The following MTA3 variants were observed in gnomAD, a reference collection of about 807,000 sequenced individuals.
MTA3 encodes the protein metastasis associated 1 family member 3.
A neutral mutation model predicts 83.5 loss-of-function variants in MTA3; 34 were observed. That is an observed-to-expected ratio of 0.41 (90% CI 0.31 to 0.54). The LOEUF is 0.54. Ranked by LOEUF, MTA3 falls within the 20% of genes least tolerant of loss-of-function variation. The pLI is 0.33. For missense variants in MTA3, 761 were observed against 726.4 expected (o/e 1.05, Z -0.55); for synonymous variants, 303 against 252.7 (o/e 1.20, Z -1.89).
At position 42,755,957 on chromosome 2, in the gene MTA3, G is replaced by A; in HGVS notation, c.*2558G>A. 4.1e-6 allele frequency: 4 copies of A among 985,500 alleles called. No homozygotes were observed. Among genetic ancestry groups the A allele is most frequent in the Non-Finnish European group, 4.8e-6 (4 of 829,990 alleles). 61.0% of individuals were successfully genotyped at this position (985,500 alleles called of 1,614,324 possible). On this transcript the variant is annotated 3_prime_UTR_variant, in exon 17 of 17. Transcript: ENST00000405094. ...GCCGACTGGAGGGTGTCGCCGGAAG[G>A]TTTCAGCCTGCCCTTCACAATTCCC...
At chr2:42,507,518 TG>T (rs1246218931) in intron 2 of MTA3, among the ~76,000 whole-genome samples, 1 of 152,134 alleles carries the variant, frequency 6.6e-6, no homozygotes, top group African/African-American at 2.4e-5. Context: ...GGTTATTTCT[TG>T]GTCGAGGGAC....
intron 11 of MTA3, chr2:42,698,513 G>A (rs1003874422): frequency 6.6e-6 from 1 of 151,956 alleles, no homozygotes. Flanking sequence ...TCCTTTTGTT[G>A]AGATTTTCAG....
At chr2:42,619,349 T>C (rs543743663) in intron 4 of MTA3, among the ~76,000 whole-genome samples, 16 of 152,344 alleles carry the variant, frequency 1.1e-4, no homozygotes, top group African/African-American at 3.8e-4. Context: ...TATATTCATC[T>C]AGATGCTTTA....
chr2:42,641,646 G>T (rs376448174), intron 5 of MTA3, among the ~76,000 whole-genome samples: 7 of 152,162 alleles, frequency 4.6e-5, no homozygotes, highest in African/African-American at 1.7e-4. Context: ...AGGAGTTCGA[G>T]ACCAGCCTGA....
intron 8 of MTA3, among the ~76,000 whole-genome samples, chr2:42,681,056 G>C (rs1691850412): frequency 6.6e-6 from 1 of 152,180 alleles, no homozygotes; most frequent in African/African-American, 2.4e-5. Flanking sequence ...TGCTTTTTAA[G>C]TAAGCTAGAC....
At chr2:42,693,534 G>C (rs1693103165) in intron 9 of MTA3, among the ~76,000 whole-genome samples, 1 of 152,110 alleles carries the variant, frequency 6.6e-6, no homozygotes, top group South Asian at 2.1e-4. Flanking sequence ...GCCACTATTG[G>C]GGGTGGGGGT....
intron 2 of MTA3, among the ~76,000 whole-genome samples, chr2:42,513,386 T>G (rs1437565109): frequency 6.6e-6 from 1 of 152,154 alleles, no homozygotes; most frequent in African/African-American, 2.4e-5. Flanking sequence ...CAAATATCCT[T>G]GGAACTTAAA....
rs72988032 is a variant in MTA3, at chr2:42,529,440, T to C, written c.-141+34186T>C. Among the ~76,000 whole-genome samples the C allele has an allele frequency of 5.0e-3, 764 of 152,308 alleles. 7 individuals carry two copies. Among genetic ancestry groups the C allele is most frequent in the African/African-American group, 0.017 (720 of 41,576 alleles). On this transcript the variant is annotated intron_variant, in intron 2 of 17. Transcript: ENST00000405592. ...ACCTGTCCTTAGGTGCCAAGGGCCA[T>C]AAGACAACCACCTACTGTTTAAGCA...
At chr2:42,591,789 G>T (rs1184277048) in intron 3 of MTA3, among the ~76,000 whole-genome samples, 2 of 151,972 alleles carry the variant, frequency 1.3e-5, no homozygotes, top group Admixed American at 1.3e-4. Flanking sequence ...TAGCTGAGAT[G>T]ACAGGTGCAC....
rs1670061156 is a variant in MTA3 at position 42,753,865 on chromosome 2, A to G, written c.*466A>G. ...CTTTCTGAATGGATTTTTCTTAAGA[A>G]ATGCGCCAGTGTTTATGAGGTTCAA... On this transcript the variant is annotated 3_prime_UTR_variant, in exon 17 of 17. Coordinates refer to ENST00000405094, the MANE Select transcript of MTA3 (RefSeq NM_001330442.2). 2 of 989,804 alleles carry G rather than the reference A, an allele frequency of 2.0e-6. No individual in the cohort carries two copies. Among genetic ancestry groups the G allele is most frequent in the Non-Finnish European group, 2.4e-6 (2 of 832,814 alleles). 61.3% of individuals were successfully genotyped at this position (989,804 alleles called of 1,614,324 possible). A position where few individuals can be genotyped will look rare whatever the true frequency, so the allele number is the denominator to read the frequency against.
At chr2:42,549,269 T>TAC (rs199818560) in intron 2 of MTA3, among the ~76,000 whole-genome samples, 2,222 of 122,470 alleles carry the variant, frequency 0.018, 29 homozygotes, top group Non-Finnish European at 0.03. Context: ...TATATACGTG[T>TAC]ACGTATATAT....
At position 42,720,477 on chromosome 2, in the gene MTA3, G is replaced by A. The variant is rs115922214; in HGVS notation, c.1612+1403G>A. Among the ~76,000 whole-genome samples, 463 of 151,836 alleles carry A rather than the reference G, an allele frequency of 3.0e-3. 1 individual carries two copies. The highest frequency in any genetic ancestry group is 7.3e-3 in the Admixed American group (112 of 15,250). On this transcript the variant is annotated intron_variant, in intron 15 of 16. Transcript: ENST00000405094. Reference sequence around the variant, plus strand: ...ATTACAGGCATGAGCCACTGCGTCCGGCCATTTCTTGCTTTATTTCTCAGG... The same window carrying A: ...ATTACAGGCATGAGCCACTGCGTCCAGCCATTTCTTGCTTTATTTCTCAGG...
chr2:42,696,617 C>G (rs1693411596), intron 10 of MTA3, among the ~76,000 whole-genome samples: 1 of 152,038 alleles, frequency 6.6e-6, no homozygotes, highest in Non-Finnish European at 1.5e-5. Flanking sequence ...TTTAAAGTAT[C>G]ATAGTGAGCT....
chr2:42,742,905 T>G (rs1669136975), intron 16 of MTA3, among the ~76,000 whole-genome samples: 1 of 152,222 alleles, frequency 6.6e-6, no homozygotes, highest in Admixed American at 6.5e-5. Flanking sequence ...ATGGTTATAT[T>G]CCAATGGATG....
At chr2:42,716,886 C>G (rs1333474192) in intron 14 of MTA3, among the ~76,000 whole-genome samples, 1 of 152,130 alleles carries the variant, frequency 6.6e-6, no homozygotes, top group Non-Finnish European at 1.5e-5. Context: ...GTTTCTAGCT[C>G]TTTGAGGAAT....
chr2:42,552,659 A>T (rs980177526), intron 2 of MTA3, among the ~76,000 whole-genome samples: 5 of 151,802 alleles, frequency 3.3e-5, no homozygotes, highest in African/African-American at 1.2e-4. Flanking sequence ...GAAGAAAAAG[A>T]AAAAAGAAAG....
chr2:42,644,953 G>A (rs1220735145), intron 6 of MTA3, among the ~76,000 whole-genome samples: 1 of 152,046 alleles, frequency 6.6e-6, no homozygotes, highest in Non-Finnish European at 1.5e-5. Flanking sequence ...CCCTGCAGTG[G>A]CCGGTAAGTG....
At chr2:42,678,257 G>C (rs529166749) in intron 8 of MTA3, among the ~76,000 whole-genome samples, 1 of 152,138 alleles carries the variant, frequency 6.6e-6, no homozygotes, top group Non-Finnish European at 1.5e-5. Flanking sequence ...ATGGCCAGTG[G>C]CCTTTGTTAT....
chr2:42,565,434 C>T (rs1677868672), upstream of MTA3, among the ~76,000 whole-genome samples: 1 of 151,490 alleles, frequency 6.6e-6, no homozygotes, highest in East Asian at 2.0e-4. Flanking sequence ...TCCCAAAATG[C>T]TGGGATTACA....
Sources: gnomAD v4.1 joint callset for allele counts (sites outside exome capture counted in the v4.1 genomes callset) on GRCh38, gnomAD v4.1.1 for gene constraint, MANE v1.5 for transcripts, NCBI Gene and HGNC (gene_info 2026-07-23, HGNC 2026-07-21) for gene names.